The following NBEA variants were observed in gnomAD, a reference collection of about 807,000 sequenced individuals.
The protein encoded by NBEA is lysosomal-trafficking regulator 2.
A neutral mutation model predicts 343.4 loss-of-function variants in NBEA; 44 were observed. The observed-to-expected ratio is 0.13, with a 90% CI of 0.10 to 0.16. NBEA has a LOEUF of 0.16. NBEA is among the 10% of genes least tolerant of loss of function. The pLI, the probability that NBEA is intolerant of heterozygous loss-of-function variation, is 1.00. For missense variants in NBEA, 2,555 were observed against 3,631.3 expected (o/e 0.70, Z 7.62); for synonymous variants, 1,175 against 1,238.7 (o/e 0.95, Z 1.08).
At chr13:35,291,983 A>G (rs957960503) in intron 35 of NBEA, among the ~76,000 whole-genome samples, 1 of 152,030 alleles carries the variant, frequency 6.6e-6, no homozygotes, top group Non-Finnish European at 1.5e-5. Flanking sequence ...AAATATTTTA[A>G]GTGTTTAATT....
chr13:35,322,136 C>T (rs967915496), intron 36 of NBEA, among the ~76,000 whole-genome samples: 1 of 152,026 alleles, frequency 6.6e-6, no homozygotes, highest in Non-Finnish European at 1.5e-5. Context: ...CCAGGCACCA[C>T]TGGGATGTGA....
At chr13:35,304,327 T>TTC (rs150811990) in intron 35 of NBEA, among the ~76,000 whole-genome samples, 36,790 of 143,354 alleles carry the variant, frequency 0.26, 4,569 homozygotes, top group East Asian at 0.38. Flanking sequence ...ACAAAAGCAA[T>TTC]TCTCTGTGTG....
In NBEA at chr13:35,645,869, A is replaced by T. The variant is rs2084204087; in HGVS notation, c.7618A>T (p.Ile2540Phe). 5 of 1,561,212 alleles carry T rather than the reference A, an allele frequency of 3.2e-6. No homozygotes were observed. The highest frequency in any genetic ancestry group is 4.4e-6 in the Non-Finnish European group (5 of 1,146,552). Reference sequence around the variant, plus strand: ...CTCATTCTTTTTTTTCCCCATTAAGATTCCAGAAGCTTATTTCATTAGAGA... The same window carrying T: ...CTCATTCTTTTTTTTCCCCATTAAGTTTCCAGAAGCTTATTTCATTAGAGA... ...DSITDPVLRE[I>F]PEAYFIRDPH... is the part of the protein sequence containing the mutation. Residue 2540 changes from isoleucine (I) to phenylalanine (F), a missense_variant and splice_region_variant, in exon 50 of 59, where the codon ATT becomes TTT. Physicochemically the swap from Ile to Phe is conservative, Grantham distance 21 (BLOSUM62 0). Transcript: ENST00000379939.
In NBEA at chr13:35,646,306, G is replaced by A. The variant is rs2084230715; in HGVS notation, c.7728G>A (p.Leu2576=). ...IQNFGQTPSQ[L]LIEPHPPRSS... The stretch of plus-strand genomic sequence containing the variant: ...ACTTTGGACAGACGCCATCTCAGTT[G>A]CTTATTGAGCCACATCCGCCTCGGA... Residue 2576 remains leucine, a synonymous_variant, in exon 51 of 59, where the codon TTG becomes TTA. Coordinates refer to ENST00000379939, the MANE Select transcript of NBEA (RefSeq NM_001385012.1). 6.2e-7 allele frequency: 1 copy of A among 1,613,694 alleles called. No homozygotes were observed. The highest frequency in any genetic ancestry group is 8.5e-7 in the Non-Finnish European group (1 of 1,179,846).
chr13:35,138,200 A>T lies in NBEA; in HGVS notation c.2337-4069A>T, dbSNP rs898162911. 2.6e-5 allele frequency among the ~76,000 whole-genome samples: 4 copies of T among 152,156 alleles called. No individual in the cohort carries two copies. In the South Asian group the frequency reaches 8.3e-4, roughly 31 times the overall value. ...AATTGACTATTTTTCTGATTATTAT[A>T]ATACATAGGGTTGGTAAAATGCATT... On this transcript the variant is annotated intron_variant, in intron 17 of 58. Transcript: ENST00000379939.
At chr13:35,525,547 C>G (rs1443008898) in intron 41 of NBEA, among the ~76,000 whole-genome samples, 1 of 151,754 alleles carries the variant, frequency 6.6e-6, no homozygotes, top group Non-Finnish European at 1.5e-5. Flanking sequence ...GAGCAAGATT[C>G]CATCTCAATA....
chr13:35,441,832 A>G (rs1442898721), intron 39 of NBEA, among the ~76,000 whole-genome samples: 2 of 78,822 alleles, frequency 2.5e-5, no homozygotes, highest in Non-Finnish European at 5.3e-5. Context: ...GCTAGATGTG[A>G]AAAAAAAAAA....
At chr13:35,465,348 C>A (rs2075345859) in intron 40 of NBEA, among the ~76,000 whole-genome samples, 1 of 151,894 alleles carries the variant, frequency 6.6e-6, no homozygotes, top group South Asian at 2.1e-4. Flanking sequence ...TTAGCTTGTG[C>A]CAAATGGGAG....
At chr13:35,133,495 A>G (rs1169113864) in intron 17 of NBEA, among the ~76,000 whole-genome samples, 2 of 152,114 alleles carry the variant, frequency 1.3e-5, no homozygotes, top group Non-Finnish European at 1.5e-5. Context: ...TCTCCTTGAC[A>G]TAGAGAAAGT....
chr13:35,283,628 A>T (rs2152813107), intron 34 of NBEA, among the ~76,000 whole-genome samples: 1 of 152,320 alleles, frequency 6.6e-6, no homozygotes, highest in African/African-American at 2.4e-5. Flanking sequence ...AAAGGTAATA[A>T]GTGCATATAT....
At chr13:35,238,829 G>T (rs910978210) in intron 34 of NBEA, among the ~76,000 whole-genome samples, 2 of 152,036 alleles carry the variant, frequency 1.3e-5, no homozygotes, top group African/African-American at 4.8e-5. Flanking sequence ...AATATTTATG[G>T]TTTCCACGAC....
At chr13:35,167,703 T>C (rs2070146933) in intron 24 of NBEA, among the ~76,000 whole-genome samples, 1 of 151,900 alleles carries the variant, frequency 6.6e-6, no homozygotes, top group Non-Finnish European at 1.5e-5. Flanking sequence ...ATTTTTGTTG[T>C]TGTTGATTTT....
intron 1 of NBEA, among the ~76,000 whole-genome samples, chr13:34,944,928 G>C (rs954858446): frequency 1.3e-5 from 2 of 152,136 alleles, no homozygotes; most frequent in Non-Finnish European, 2.9e-5. Flanking sequence ...AGCAATGTGT[G>C]CTGAATCAGT....
At chr13:35,233,038 T>C (rs2075056523) in intron 34 of NBEA, among the ~76,000 whole-genome samples, 1 of 152,070 alleles carries the variant, frequency 6.6e-6, no homozygotes, top group Non-Finnish European at 1.5e-5. Context: ...TAAGAAGACA[T>C]TAAAAATCTA....
intron 33 of NBEA, among the ~76,000 whole-genome samples, chr13:35,231,848 G>A (rs1034608223): frequency 6.6e-6 from 1 of 152,034 alleles, no homozygotes; most frequent in Non-Finnish European, 1.5e-5. Flanking sequence ...ATTTGTCTAA[G>A]CAGAAATATT....
At chr13:35,048,710 C>G (rs1310784729) in intron 5 of NBEA, 26 bp downstream of exon 5, 45 of 1,186,062 alleles carry the variant, frequency 3.8e-5, no homozygotes, top group Non-Finnish European at 5.2e-5. Context: ...AATTTTAGTA[C>G]TTTTTTCTTT....
chr13:35,083,851 A>G (rs2064567875), intron 10 of NBEA, among the ~76,000 whole-genome samples: 1 of 152,194 alleles, frequency 6.6e-6, no homozygotes, highest in African/African-American at 2.4e-5. Flanking sequence ...GCAGAGACAC[A>G]CATAGGCTTA....
chr13:35,456,667 A>G (rs995328138), intron 40 of NBEA, among the ~76,000 whole-genome samples: 8 of 152,024 alleles, frequency 5.3e-5, no homozygotes, highest in African/African-American at 1.9e-4. Context: ...ATTTATATAA[A>G]TTGGTAAGTG....
intron 18 of NBEA, among the ~76,000 whole-genome samples, chr13:35,144,352 C>G (rs1028856243): frequency 1.3e-5 from 2 of 151,950 alleles, no homozygotes; most frequent in African/African-American, 4.8e-5. Flanking sequence ...TATGGGTGTT[C>G]CTGGAACCAT....
Sources: gnomAD v4.1 joint callset for allele counts (sites outside exome capture counted in the v4.1 genomes callset) on GRCh38, gnomAD v4.1.1 for gene constraint, MANE v1.5 for transcripts, NCBI Gene and HGNC (gene_info 2026-07-23, HGNC 2026-07-21) for gene names.